Variants in BROX observed in about 807,000 individuals in gnomAD.
BROX encodes the protein BRO1 domain and CAAX motif containing, also known as BRO1 domain-containing protein BROX.
BROX carries 53 observed loss-of-function variants against 61.0 expected under a neutral mutation model. The ratio of observed to expected loss-of-function variants is 0.87; its 90% CI spans 0.70 to 1.09. The LOEUF is 1.09. Ranked by LOEUF, BROX falls within the 50% of genes least tolerant of loss-of-function variation. The pLI, the probability that BROX is intolerant of heterozygous loss-of-function variation, is 0.00. For missense variants in BROX, 489 were observed against 472.0 expected (o/e 1.04, Z -0.33); for synonymous variants, 152 against 160.2 (o/e 0.95, Z 0.38).
rs1051287429 is a variant in BROX, at chr1:222,732,526, A to G, written c.1150-102A>G. ...AGCTTTGTCAGTATCCATGTTATGTAATTTAATATAGCATCTTTTAAAAGT... is the reference window on the plus strand; with the variant it reads ...AGCTTTGTCAGTATCCATGTTATGTGATTTAATATAGCATCTTTTAAAAGT... On this transcript the variant is annotated intron_variant, in intron 12 of 12. Transcript: ENST00000340934. 31 of 738,690 alleles carry G rather than the reference A, an allele frequency of 4.2e-5. No individual in the cohort carries two copies. In the African/African-American group the frequency reaches 5.5e-4, roughly 13 times the overall value. 45.8% of individuals were successfully genotyped at this position (738,690 alleles called of 1,614,324 possible).
In BROX at chr1:222,725,448, A is replaced by G. The variant is rs1196415997; in HGVS notation, c.475-2A>G. On this transcript the variant is annotated splice_acceptor_variant, in intron 6 of 12. Coordinates refer to ENST00000340934, the MANE Select transcript of BROX (RefSeq NM_144695.4). LOFTEE classifies it high-confidence loss of function. ...TTTTGTCTTTTTTGTTGTTGTTCTC[A>G]GGAAAGTCATCTCCCAAAACTCATT... The G allele has an allele frequency of 6.3e-7, 1 of 1,585,728 alleles. No homozygotes were observed. Among genetic ancestry groups the G allele is most frequent in the Non-Finnish European group, 8.6e-7 (1 of 1,168,926 alleles).
At chr1:222,720,065 G>T (rs1223876260) in intron 4 of BROX, among the ~76,000 whole-genome samples, 1 of 152,190 alleles carries the variant, frequency 6.6e-6, no homozygotes, top group African/African-American at 2.4e-5. Context: ...AGAGCAGACT[G>T]TACATTACAA....
chr1:222,725,692 T>C, intron 7 of BROX, 137 bp downstream of exon 7: 4 of 562,088 alleles, frequency 7.1e-6, no homozygotes, highest in Non-Finnish European at 8.8e-6. Flanking sequence ...GGCAGCTCAC[T>C]TGAGCCCAGG....
At position 222,733,935 on chromosome 1, in the gene BROX, T is replaced by C. The variant is rs931831782; in HGVS notation, c.*1221T>C. 2.0e-5 allele frequency: 3 copies of C among 152,248 alleles called. No homozygotes were observed. Among genetic ancestry groups the C allele is most frequent in the African/African-American group, 4.8e-5 (2 of 41,464 alleles). 9.4% of individuals were successfully genotyped at this position (152,248 alleles called of 1,614,324 possible). A position where few individuals can be genotyped will look rare whatever the true frequency, so the allele number is the denominator to read the frequency against. ...CTCTACTTCTTTATTAAAGAAGTTATAGTAAGATGCCTTTGTTACCTGATT... is the reference window on the plus strand; with the variant it reads ...CTCTACTTCTTTATTAAAGAAGTTACAGTAAGATGCCTTTGTTACCTGATT... On this transcript the variant is annotated 3_prime_UTR_variant, in exon 13 of 13. Transcript: ENST00000340934.
chr1:222,722,923 A>G (rs938166336), intron 5 of BROX, among the ~76,000 whole-genome samples: 1 of 152,214 alleles, frequency 6.6e-6, no homozygotes. Context: ...AAAGCAAAGG[A>G]CATGAACAGG....
At position 222,712,670 on chromosome 1, in the gene BROX, G is replaced by A; in HGVS notation, c.-289G>A. 2 of 1,299,624 alleles carry A rather than the reference G, an allele frequency of 1.5e-6. No homozygotes were observed. Among genetic ancestry groups the A allele is most frequent in the South Asian group, 1.2e-5 (1 of 80,558 alleles). 80.5% of individuals were successfully genotyped at this position (1,299,624 alleles called of 1,614,324 possible). On this transcript the variant is annotated 5_prime_UTR_variant, in exon 1 of 13. Coordinates refer to ENST00000340934, the MANE Select transcript of BROX (RefSeq NM_144695.4). Reference sequence around the variant, plus strand: ...GAAAAAGACCATAGCTCAAAAGGAAGGCCGAGGGAGAAGTTAGAAAGGGAT... The same window carrying A: ...GAAAAAGACCATAGCTCAAAAGGAAAGCCGAGGGAGAAGTTAGAAAGGGAT...
chr1:222,714,160 T>A lies in BROX; in HGVS notation c.-17+1218T>A, dbSNP rs180991406. Among the ~76,000 whole-genome samples the A allele has an allele frequency of 6.8e-4, 104 of 152,154 alleles. No individual in the cohort carries two copies. The Middle Eastern group carries it at 0.01, about 15-fold the overall frequency. On this transcript the variant is annotated intron_variant, in intron 1 of 12. Transcript: ENST00000340934. The stretch of plus-strand genomic sequence containing the variant: ...TAGGTCTTCGCCTGGGCTTTCTCCT[T>A]ATTATCTGCTGCACTACCTACCCAA...
chr1:222,731,352 TGCAG>T lies in BROX; in HGVS notation c.990-4_990-1del, dbSNP rs1350511268. 6.4e-7 allele frequency: 1 copy of T among 1,559,680 alleles called. No homozygotes were observed. Among genetic ancestry groups the T allele is most frequent in the Non-Finnish European group, 8.6e-7 (1 of 1,162,910 alleles). On this transcript the variant is annotated splice_acceptor_variant and splice_polypyrimidine_tract_variant and intron_variant, in intron 11 of 12. Coordinates refer to ENST00000340934, the MANE Select transcript of BROX (RefSeq NM_144695.4). LOFTEE classifies it high-confidence loss of function. ...ATGAATTGCTATTTAAATTATTTTTTGCAGTTACTTTCAAAAAATTCCAACAGAA... is the reference window on the plus strand; with the variant it reads ...ATGAATTGCTATTTAAATTATTTTTTTTACTTTCAAAAAATTCCAACAGAA...
intron 1 of BROX, chr1:222,713,576 A>G (rs192527030): frequency 1.0e-4 from 43 of 418,628 alleles, no homozygotes; most frequent in African/African-American, 5.2e-4. Context: ...TCGTTCTTCT[A>G]TCCCACCCTA....
At chr1:222,714,550 CACTT>C (rs1656408846) in intron 1 of BROX, among the ~76,000 whole-genome samples, 1 of 148,800 alleles carries the variant, frequency 6.7e-6, no homozygotes, top group Non-Finnish European at 1.5e-5. Flanking sequence ...GTTGGCATCT[CACTT>C]AGGTGGTGTT....
At chr1:222,730,659 G>A (rs185189836) in intron 11 of BROX, among the ~76,000 whole-genome samples, 1 of 152,252 alleles carries the variant, frequency 6.6e-6, no homozygotes, top group African/African-American at 2.4e-5. Context: ...TTTCAGTTGT[G>A]TAGGGCCTTT....
intron 3 of BROX, 41 bp downstream of exon 3, chr1:222,719,072 T>C: frequency 6.6e-7 from 1 of 1,515,876 alleles, no homozygotes; most frequent in South Asian, 1.2e-5. Context: ...TAAAAAACTG[T>C]CTAAAAGTTT....
intron 4 of BROX, among the ~76,000 whole-genome samples, chr1:222,720,406 A>G (rs575515735): frequency 1.2e-4 from 18 of 152,278 alleles, no homozygotes; most frequent in Admixed American, 2.6e-4. Flanking sequence ...TTTTTAATTA[A>G]AAAGACTTTT....
In BROX at chr1:222,724,062, C is replaced by T. The variant is rs753011024; in HGVS notation, c.402-30C>T. ...TTTTAATACCAGAAATGGAATTCAT[C>T]CTCTAACTAATGTAACCCCTATCTT... On this transcript the variant is annotated intron_variant, in intron 5 of 12. Transcript: ENST00000340934. The T allele has an allele frequency of 5.3e-6, 8 of 1,504,736 alleles. No homozygotes were observed. In the African/African-American group the frequency reaches 7.0e-5, roughly 13 times the overall value. The allele number at this position is 1,504,736 out of a possible 1,614,324, so 93.2% of individuals were successfully genotyped here. A position where few individuals can be genotyped will look rare whatever the true frequency, so the allele number is the denominator to read the frequency against.
At chr1:222,719,133 G>C in intron 3 of BROX, 102 bp downstream of exon 3, 1 of 1,284,506 alleles carries the variant, frequency 7.8e-7, no homozygotes, top group Non-Finnish European at 1.1e-6. Flanking sequence ...CTTCCAGACT[G>C]TATTCTTTGG....
chr1:222,731,008 A>C (rs977264387), intron 11 of BROX, among the ~76,000 whole-genome samples: 1 of 152,082 alleles, frequency 6.6e-6, no homozygotes, highest in African/African-American at 2.4e-5. Flanking sequence ...TCCTGCTTTT[A>C]TGTCCTTACA....
At chr1:222,721,820 A>G (rs956493175) in intron 4 of BROX, among the ~76,000 whole-genome samples, 60 of 151,970 alleles carry the variant, frequency 3.9e-4, no homozygotes, top group African/African-American at 1.4e-3. Flanking sequence ...TTTTTTACAT[A>G]CCTTCTGCTC....
chr1:222,712,592 C>G lies in BROX; in HGVS notation c.-367C>G, dbSNP rs1656131932. 1.5e-6 allele frequency: 2 copies of G among 1,360,186 alleles called. No individual in the cohort carries two copies. Among genetic ancestry groups the G allele is most frequent in the African/African-American group, 1.5e-5 (1 of 67,992 alleles). The allele number at this position is 1,360,186 out of a possible 1,614,324, so 84.3% of individuals were successfully genotyped here. A position where few individuals can be genotyped will look rare whatever the true frequency, so the allele number is the denominator to read the frequency against. ...GCGCCGAGGGCCGCCATCGCTATTGCGGCATTCTCCCTCGGCTCCGGAGGT... is the reference window on the plus strand; with the variant it reads ...GCGCCGAGGGCCGCCATCGCTATTGGGGCATTCTCCCTCGGCTCCGGAGGT... On this transcript the variant is annotated 5_prime_UTR_variant, in exon 1 of 13. Coordinates refer to ENST00000340934, the MANE Select transcript of BROX (RefSeq NM_144695.4).
intron 2 of BROX, among the ~76,000 whole-genome samples, chr1:222,717,507 A>G (rs998352590): frequency 1.3e-5 from 2 of 152,232 alleles, no homozygotes; most frequent in African/African-American, 4.8e-5. Flanking sequence ...TAGCTAGCCA[A>G]CTATTTGAGT....
Sources: allele counts gnomAD v4.1 joint callset (sites outside exome capture counted in the v4.1 genomes callset), GRCh38; gene constraint gnomAD v4.1.1; transcripts MANE v1.5; gene names NCBI Gene and HGNC (gene_info 2026-07-23, HGNC 2026-07-21).